The following CTIF variants were observed in gnomAD, a reference collection of about 807,000 sequenced individuals.
CTIF encodes CBP80/20-dependent translation initiation factor.
Under a neutral mutation model 66.0 loss-of-function variants are expected in CTIF, and 21 were observed. That is an observed-to-expected ratio of 0.32 (90% CI 0.23 to 0.46). The LOEUF is 0.46. Ranked by LOEUF, CTIF falls within the 20% of genes least tolerant of loss-of-function variation. The pLI is 1.00. For synonymous variants in CTIF, 345 were observed against 326.4 expected, an observed-to-expected ratio of 1.06 and a Z score of -0.62; for missense variants, 739 against 812.7, an observed-to-expected ratio of 0.91 and a Z score of 1.10.
intron 1 of CTIF, among the ~76,000 whole-genome samples, chr18:48,569,968 G>A (rs1051578288): frequency 3.9e-5 from 6 of 152,214 alleles, no homozygotes; most frequent in Admixed American, 3.3e-4. Context: ...TTAGGGGCAG[G>A]CAGACATAGA....
intron 9 of CTIF, among the ~76,000 whole-genome samples, chr18:48,778,287 A>G (rs1003512725): frequency 2.6e-5 from 4 of 152,158 alleles, no homozygotes; most frequent in African/African-American, 9.7e-5. Flanking sequence ...CTATTCATTC[A>G]GAAATGTTAG....
chr18:48,811,727 T>G (rs577494361), intron 9 of CTIF, among the ~76,000 whole-genome samples: 3 of 152,192 alleles, frequency 2.0e-5, no homozygotes, highest in Non-Finnish European at 2.9e-5. Flanking sequence ...CGTTGCAGCA[T>G]GTGTCAGAAT....
rs1448048287 is a variant in CTIF, at chr18:48,539,243, C to T, written c.-98C>T. The T allele has an allele frequency of 6.6e-6, 1 of 152,188 alleles. No homozygotes were observed. Among genetic ancestry groups the T allele is most frequent in the African/African-American group, 2.4e-5 (1 of 41,410 alleles). The allele number at this position is 152,188 out of a possible 1,614,324, so 9.4% of individuals were successfully genotyped here. A position where few individuals can be genotyped will look rare whatever the true frequency, so the allele number is the denominator to read the frequency against. ...TCGGCTCTCCGGAGCCTCGTCCCTC[C>T]CTTCCCCTTCCCTGCCCCCTTCCCC... On this transcript the variant is annotated 5_prime_UTR_variant, in exon 1 of 12. Coordinates refer to ENST00000256413, the MANE Select transcript of CTIF (RefSeq NM_014772.3).
chr18:48,833,079 C>T (rs2068729399), intron 10 of CTIF, among the ~76,000 whole-genome samples: 1 of 152,128 alleles, frequency 6.6e-6, no homozygotes, highest in Admixed American at 6.5e-5. Flanking sequence ...CAAGGGGAGG[C>T]GAGAGGCTGC....
intron 7 of CTIF, among the ~76,000 whole-genome samples, chr18:48,733,190 T>G (rs1243412309): frequency 6.6e-6 from 1 of 152,010 alleles, no homozygotes; most frequent in Non-Finnish European, 1.5e-5. Context: ...TCACTAACTT[T>G]TTCAAGTTTG....
At position 48,630,660 on chromosome 18, in the gene CTIF, CT is replaced by C. The variant is rs373006892; in HGVS notation, c.181-5939del. ...GGTTCAACAGCTTTTTTGTCTCTAG[CT>C]TTTTTTTTTTTTTTAATTAATTTAT... On this transcript the variant is annotated intron_variant, in intron 2 of 11. Transcript: ENST00000256413. Among the ~76,000 whole-genome samples, 1,418 of 141,924 alleles carry C rather than the reference CT, an allele frequency of 1.0e-2. 7 individuals carry two copies. Among genetic ancestry groups the C allele is most frequent in the African/African-American group, 0.023 (898 of 38,822 alleles). The allele number at this position is 141,924 out of a possible 152,430, so 93.1% of individuals were successfully genotyped here. A position where few individuals can be genotyped will look rare whatever the true frequency, so the allele number is the denominator to read the frequency against.
intron 7 of CTIF, among the ~76,000 whole-genome samples, chr18:48,735,493 G>A (rs2092492913): frequency 6.6e-6 from 1 of 152,142 alleles, no homozygotes. Flanking sequence ...ACAGGCACGT[G>A]GCAGGAAGCA....
chr18:48,583,838 T>C (rs988057459), intron 1 of CTIF, among the ~76,000 whole-genome samples: 2 of 152,114 alleles, frequency 1.3e-5, no homozygotes, highest in Non-Finnish European at 1.5e-5. Context: ...TGGGATGAAG[T>C]TGGGGAATGA....
At chr18:48,734,946 A>T (rs1292608019) in intron 7 of CTIF, among the ~76,000 whole-genome samples, 2 of 152,224 alleles carry the variant, frequency 1.3e-5, no homozygotes, top group Non-Finnish European at 2.9e-5. Flanking sequence ...GTGTACATAT[A>T]CATATATGGT....
intron 2 of CTIF, among the ~76,000 whole-genome samples, chr18:48,625,973 T>TTCACATTG (rs1214828073): frequency 6.6e-6 from 1 of 151,988 alleles, no homozygotes; most frequent in Non-Finnish European, 1.5e-5. Context: ...GTCATTTTAA[T>TTCACATTG]TCACATTGTC....
intron 10 of CTIF, among the ~76,000 whole-genome samples, chr18:48,821,348 A>G (rs1241095594): frequency 2.0e-5 from 3 of 152,220 alleles, no homozygotes; most frequent in Non-Finnish European, 4.4e-5. Flanking sequence ...CTTTTAACTC[A>G]GACAGCACTT....
At chr18:48,552,595 C>G (rs1314754950) in intron 1 of CTIF, among the ~76,000 whole-genome samples, 1 of 152,284 alleles carries the variant, frequency 6.6e-6, no homozygotes, top group Non-Finnish European at 1.5e-5. Context: ...TATGAGGGCA[C>G]TAACCTCATT....
At chr18:48,726,537 G>A (rs1395343119) in intron 7 of CTIF, among the ~76,000 whole-genome samples, 1 of 152,130 alleles carries the variant, frequency 6.6e-6, no homozygotes, top group African/African-American at 2.4e-5. Flanking sequence ...TTCACAAGGT[G>A]GTTGGCAGTT....
chr18:48,788,952 A>G (rs1038616760), intron 9 of CTIF, among the ~76,000 whole-genome samples: 1 of 152,152 alleles, frequency 6.6e-6, no homozygotes, highest in Non-Finnish European at 1.5e-5. Context: ...CCCACCATCC[A>G]ATAGCACACC....
chr18:48,634,479 G>T (rs1334678819), intron 2 of CTIF, among the ~76,000 whole-genome samples: 1 of 152,318 alleles, frequency 6.6e-6, no homozygotes, highest in South Asian at 2.1e-4. Context: ...GCAACCTCAG[G>T]TAGCTAGTAC....
intron 9 of CTIF, among the ~76,000 whole-genome samples, chr18:48,775,008 G>A (rs939686402): frequency 2.0e-5 from 3 of 152,130 alleles, no homozygotes; most frequent in African/African-American, 7.2e-5. Context: ...CTCTAAAGTG[G>A]GGTTCGAAGC....
chr18:48,784,908 G>A (rs1911569120), intron 9 of CTIF, among the ~76,000 whole-genome samples: 1 of 152,208 alleles, frequency 6.6e-6, no homozygotes, highest in African/African-American at 2.4e-5. Context: ...AACCCTCGCT[G>A]TCATCCACAC....
At chr18:48,548,503 TCTC>T (rs2088808149) in intron 1 of CTIF, among the ~76,000 whole-genome samples, 3 of 152,212 alleles carry the variant, frequency 2.0e-5, no homozygotes, top group Admixed American at 1.3e-4. Context: ...TGTTCCTCCA[TCTC>T]CTTGATGCTT....
intron 1 of CTIF, among the ~76,000 whole-genome samples, chr18:48,610,282 A>T (rs2090282183): frequency 6.6e-6 from 1 of 152,182 alleles, no homozygotes; most frequent in Admixed American, 6.5e-5. Context: ...GTGGGTGGTC[A>T]GTGCTGGAGC....
Sources: allele counts gnomAD v4.1 joint callset (sites outside exome capture counted in the v4.1 genomes callset), GRCh38; gene constraint gnomAD v4.1.1; transcripts MANE v1.5; gene names NCBI Gene and HGNC (gene_info 2026-07-23, HGNC 2026-07-21).